Variants in MGAT3 observed in about 807,000 individuals in gnomAD.
MGAT3 encodes the protein GlcNAc-T III.
A neutral mutation model predicts 29.8 loss-of-function variants in MGAT3; 9 were observed. The observed-to-expected ratio is 0.30, with a 90% CI of 0.18 to 0.53. MGAT3 has a LOEUF of 0.53. Ranked by LOEUF, MGAT3 falls within the 20% of genes least tolerant of loss-of-function variation. The pLI is 0.96. For missense variants in MGAT3, 557 were observed against 769.5 expected, an observed-to-expected ratio of 0.72 and a Z score of 3.27; for synonymous variants, 397 against 348.9, an observed-to-expected ratio of 1.14 and a Z score of -1.54.
chr22:39,476,318 G>T (rs1017472371), intron 1 of MGAT3: 2 of 152,456 alleles, frequency 1.3e-5, no homozygotes, highest in Non-Finnish European at 2.9e-5. Flanking sequence ...AGACTCTCGT[G>T]GGTATTCTGG....
At position 39,457,888 on chromosome 22, in the gene MGAT3, G is replaced by A. The variant is rs974849289; in HGVS notation, c.-2+331G>A. On this transcript the variant is annotated intron_variant, in intron 1 of 1. Coordinates refer to ENST00000341184, the MANE Select transcript of MGAT3 (RefSeq NM_002409.5). The surrounding 1 kb of genome is among the most constrained non-coding windows in gnomAD (Gnocchi z 6.8). ...AGGCGCGGGGCTCGAGCCGTGCTTTGTGCGCGGCACCCCCCAGCCTCCGGC... is the reference window on the plus strand; with the variant it reads ...AGGCGCGGGGCTCGAGCCGTGCTTTATGCGCGGCACCCCCCAGCCTCCGGC... Among the ~76,000 whole-genome samples the A allele has an allele frequency of 1.3e-5, 2 of 151,520 alleles. No individual in the cohort carries two copies. Among genetic ancestry groups the A allele is most frequent in the South Asian group, 2.1e-4 (1 of 4,832 alleles).
chr22:39,476,003 A>C (rs905461090), intron 1 of MGAT3: 1 of 152,286 alleles, frequency 6.6e-6, no homozygotes, highest in Non-Finnish European at 1.5e-5. Flanking sequence ...GATGTCCTGA[A>C]TGGACCAGTG....
chr22:39,484,933 A>G (rs760354136), intron 1 of MGAT3, among the ~76,000 whole-genome samples: 1 of 152,058 alleles, frequency 6.6e-6, no homozygotes, highest in Non-Finnish European at 1.5e-5. Context: ...AACCTGGTAG[A>G]TGGAAGTTGC....
intron 1 of MGAT3, among the ~76,000 whole-genome samples, chr22:39,471,239 T>G (rs896881862): frequency 2.0e-5 from 3 of 152,028 alleles, no homozygotes; most frequent in Admixed American, 2.0e-4. Context: ...CTGGGGCAGT[T>G]TGTTCGGGCC....
chr22:39,485,767 C>T (rs572776339), intron 1 of MGAT3, among the ~76,000 whole-genome samples: 9 of 151,784 alleles, frequency 5.9e-5, no homozygotes, highest in Middle Eastern at 3.4e-3. Flanking sequence ...TCAGCCTGGG[C>T]GACAGAGCAA....
intron 1 of MGAT3, among the ~76,000 whole-genome samples, chr22:39,478,280 C>A (rs1387511015): frequency 6.6e-6 from 1 of 152,244 alleles, no homozygotes; most frequent in Non-Finnish European, 1.5e-5. Context: ...TTGTTTCTGG[C>A]ATCCTCCAAA....
chr22:39,489,250 CG>C lies in MGAT3; in HGVS notation c.*306del. 2.4e-6 allele frequency: 1 copy of C among 411,140 alleles called. No individual in the cohort carries two copies. The highest frequency in any genetic ancestry group is 4.5e-6 in the Non-Finnish European group (1 of 220,724). The allele number at this position is 411,140 out of a possible 1,614,324, so 25.5% of individuals were successfully genotyped here. Reference sequence around the variant, plus strand: ...AGTGTGCGTGGTGGTCCCTGGGTAGCGGGGGAGGGTAGGCAGGATTGGGGAA... The same window carrying C: ...AGTGTGCGTGGTGGTCCCTGGGTAGCGGGGAGGGTAGGCAGGATTGGGGAA... On this transcript the variant is annotated 3_prime_UTR_variant, in exon 2 of 2. Coordinates refer to ENST00000341184, the MANE Select transcript of MGAT3 (RefSeq NM_002409.5).
chr22:39,465,534 G>A (rs972217756), intron 1 of MGAT3, among the ~76,000 whole-genome samples: 8 of 152,114 alleles, frequency 5.3e-5, no homozygotes, highest in South Asian at 2.1e-4. Context: ...TCCCTCACCC[G>A]TCAGGCAGGC....
rs766569588 is a variant in MGAT3, at chr22:39,488,155, C to A, written c.808C>A (p.Leu270Ile). The change falls in exon 2 of 2, where the codon CTC becomes ATC. Residue 270 changes from leucine (L) to isoleucine (I), a missense_variant. By Grantham distance (5) the Leu-to-Ile change is conservative. This residue lies in a region of MGAT3 where 243 missense variants were observed against 444.0 expected (regional missense o/e 0.55). Transcript: ENST00000341184. The part of the protein sequence containing the change: ...GTFEYIRHKV[L>I]YVFLDHFPPG... ...CTTCGAGTACATCCGCCACAAGGTG[C>A]TCTATGTCTTCCTGGACCACTTCCC... 6.2e-7 allele frequency: 1 copy of A among 1,612,948 alleles called. No individual in the cohort carries two copies. The highest frequency in any genetic ancestry group is 8.5e-7 in the Non-Finnish European group (1 of 1,179,916).
intron 1 of MGAT3, among the ~76,000 whole-genome samples, chr22:39,481,876 A>G (rs1047711826): frequency 6.6e-6 from 1 of 152,222 alleles, no homozygotes; most frequent in African/African-American, 2.4e-5. Context: ...TCACGTGTGT[A>G]ACAAGCTTAG....
intron 1 of MGAT3, among the ~76,000 whole-genome samples, chr22:39,458,416 C>G (rs5995735): frequency 0.78 from 119,042 of 152,014 alleles, 47,007 homozygotes; most frequent in East Asian, 0.95. Context: ...CTCCCTGGTT[C>G]CCCACTTCAT....
In MGAT3 at chr22:39,481,336, C is replaced by T. The variant is rs139155642; in HGVS notation, c.-1-6011C>T. On this transcript the variant is annotated intron_variant, in intron 1 of 1. Transcript: ENST00000341184. ...ACATAATGACGCACTCGCTCCTGCCCGTTACCCGCTTTGTCTTTCTCCAGA... is the reference window on the plus strand; with the variant it reads ...ACATAATGACGCACTCGCTCCTGCCTGTTACCCGCTTTGTCTTTCTCCAGA... Among the ~76,000 whole-genome samples, 875 of 152,322 alleles carry T rather than the reference C, an allele frequency of 5.7e-3. 36 individuals carry two copies. The highest frequency in any genetic ancestry group is 0.052 in the Admixed American group (789 of 15,302).
At chr22:39,470,776 C>T (rs550042075) in intron 1 of MGAT3, among the ~76,000 whole-genome samples, 10 of 152,252 alleles carry the variant, frequency 6.6e-5, no homozygotes, top group African/African-American at 9.6e-5. Flanking sequence ...TTAATCCCCT[C>T]GGGGTTGGGA....
At chr22:39,475,150 T>A (rs1473854721) in intron 1 of MGAT3, among the ~76,000 whole-genome samples, 58 of 130,550 alleles carry the variant, frequency 4.4e-4, no homozygotes, top group Non-Finnish European at 7.8e-4. Context: ...TTTTTTTTTT[T>A]AACTGTAGAA....
At chr22:39,473,504 A>G (rs896610447) in intron 1 of MGAT3, among the ~76,000 whole-genome samples, 5 of 152,080 alleles carry the variant, frequency 3.3e-5, no homozygotes, top group Admixed American at 3.3e-4. Context: ...CGGCCTAATC[A>G]CCTCTTAAAG....
Position 39,488,245 on chromosome 22 carries a change from G to T in MGAT3, c.898G>T (p.Gly300Cys), listed in dbSNP as rs1471170304. The change falls in exon 2 of 2, where the codon GGC becomes TGC. Residue 300 changes from glycine to cysteine, a missense_variant. Physicochemically the swap from Gly to Cys is radical, Grantham distance 159. Coordinates refer to ENST00000341184, the MANE Select transcript of MGAT3 (RefSeq NM_002409.5). ...CCTGCGCACCTTCCTCACCCAGGAC[G>T]GCGTCTCGCGGCTGCGCAACCTGCG... Reference protein sequence around the residue: ...DYLRTFLTQDGVSRLRNLRPD... With the variant: ...DYLRTFLTQDCVSRLRNLRPD... 1 of 1,611,524 alleles carries T rather than the reference G, an allele frequency of 6.2e-7. No homozygotes were observed.
chr22:39,487,762 G>A lies in MGAT3; in HGVS notation c.415G>A (p.Gly139Arg), dbSNP rs1375032683. The A allele has an allele frequency of 6.6e-7, 1 of 1,513,466 alleles. No homozygotes were observed. The highest frequency in any genetic ancestry group is 8.8e-7 in the Non-Finnish European group (1 of 1,133,736). 93.8% of individuals were successfully genotyped at this position (1,513,466 alleles called of 1,614,324 possible). ...PPGRPEEKPE[G>R]ANGSSARRPP... ...GGGACGGCCGGAGGAGAAGCCTGAG[G>A]GGGCCAACGGCTCCTCGGCCCGGCG... The change falls in exon 2 of 2, where the codon GGG becomes AGG. Residue 139 changes from glycine to arginine, a missense_variant. Transcript: ENST00000341184. The surrounding 1 kb of genome is among the most constrained non-coding windows in gnomAD (Gnocchi z 5.7).
At chr22:39,484,527 C>T (rs893461283) in intron 1 of MGAT3, among the ~76,000 whole-genome samples, 1 of 152,060 alleles carries the variant, frequency 6.6e-6, no homozygotes, top group Non-Finnish European at 1.5e-5. Context: ...TGCCCACCAC[C>T]ATGACTAGCT....
At chr22:39,458,094 T>G (rs1324832194) in intron 1 of MGAT3, among the ~76,000 whole-genome samples, 1 of 151,990 alleles carries the variant, frequency 6.6e-6, no homozygotes, top group Non-Finnish European at 1.5e-5. Context: ...GAGGCAAATG[T>G]GGAGAGGGCC....
Sources: gnomAD v4.1 joint callset for allele counts (sites outside exome capture counted in the v4.1 genomes callset) on GRCh38, gnomAD v4.1.1 for gene constraint, gnomAD v4.1.1 regional missense constraint, Gnocchi (gnomAD v3.1) non-coding constraint, MANE v1.5 for transcripts, NCBI Gene and HGNC (gene_info 2026-07-23, HGNC 2026-07-21) for gene names.